Variants in ATP11A observed in about 807,000 individuals in gnomAD.
The protein encoded by ATP11A is ATPase phospholipid transporting 11A, also known as phospholipid-transporting ATPase IH.
Under a neutral mutation model 154.4 loss-of-function variants are expected in ATP11A, and 81 were observed. The ratio of observed to expected loss-of-function variants is 0.52; its 90% confidence interval spans 0.44 to 0.63. ATP11A has a LOEUF of 0.63. Ranked by LOEUF, ATP11A falls within the 30% of genes least tolerant of loss-of-function variation. ATP11A has a pLI of 0.00. For missense variants in ATP11A, 1,316 were observed against 1,474.3 expected (o/e 0.89, Z 1.76); for synonymous variants, 623 against 585.9 (o/e 1.06, Z -0.91).
intron 17 of ATP11A, among the ~76,000 whole-genome samples, chr13:112,844,794 G>GCTAGTGGTCCTAACCAGTCCAGT (rs1566562492): frequency 1.5e-5 from 1 of 65,140 alleles, no homozygotes; most frequent in African/African-American, 1.1e-4. Flanking sequence ...CAGTTGCCGG[G>GCTAGTGGTCCTAACCAGTCCAGT]TGTTAGTGGT....
intron 1 of ATP11A, among the ~76,000 whole-genome samples, chr13:112,701,140 C>T (rs1043275474): frequency 1.3e-5 from 2 of 152,160 alleles, no homozygotes; most frequent in African/African-American, 2.4e-5. Flanking sequence ...AATTCGAGTC[C>T]GCCTGTGGCC....
In ATP11A at chr13:112,806,216, A is replaced by T; in HGVS notation, c.256A>T (p.Ile86Phe). ...YFLIIFLVQLIIDTPTSPVTS... is the reference protein window; with the variant it reads ...YFLIIFLVQLFIDTPTSPVTS... ...TTACAATTCTCTCTTTCTGCAGTTG[A>T]TTATTGATACACCCACAAGTCCAGT... is the stretch of plus-strand genomic sequence containing the variant. The change falls in exon 4 of 30, where the codon ATT becomes TTT. Residue 86 changes from isoleucine to phenylalanine, a missense_variant. By Grantham distance (21) the Ile-to-Phe change is conservative. Around this residue, in one of 5 missense-constraint regions of ATP11A, gnomAD observed 123 missense variants for 113.7 expected, o/e 1.08. Transcript: ENST00000375645. 6.2e-7 allele frequency: 1 copy of T among 1,611,572 alleles called. No homozygotes were observed. Among genetic ancestry groups the T allele is most frequent in the Non-Finnish European group, 8.5e-7 (1 of 1,178,572 alleles).
rs889441119 is a variant in ATP11A, at chr13:112,875,154, A to G, written c.3162-622A>G. 2.6e-5 allele frequency among the ~76,000 whole-genome samples: 4 copies of G among 152,136 alleles called. No individual in the cohort carries two copies. Among genetic ancestry groups the G allele is most frequent in the African/African-American group, 9.7e-5 (4 of 41,424 alleles). On this transcript the variant is annotated intron_variant, in intron 27 of 29. Coordinates refer to ENST00000375645, the MANE Select transcript of ATP11A (RefSeq NM_015205.3). The surrounding 1 kb of genome is among the most constrained non-coding windows in gnomAD (Gnocchi z 4.1). ...CTTCCGTTTCCCTCCTGTTGTCCAC[A>G]CACCAGTTTCACTGTGCTTCCTGGA...
At chr13:112,749,369 T>C (rs944614618) in intron 1 of ATP11A, among the ~76,000 whole-genome samples, 1 of 152,250 alleles carries the variant, frequency 6.6e-6, no homozygotes, top group East Asian at 1.9e-4. Flanking sequence ...CTAACTTTTA[T>C]TTTAAAAGTC....
At position 112,708,817 on chromosome 13, in the gene ATP11A, C is replaced by A. The variant is rs77429770; in HGVS notation, c.39+18362C>A. ...GTCTTCCAACGAGTGGCTCTCCCGC[C>A]TGTGTTTTGAACTCATGGAGGGGGA... is the stretch of plus-strand genomic sequence containing the variant. On this transcript the variant is annotated intron_variant, in intron 1 of 29. Transcript: ENST00000375645. Among the ~76,000 whole-genome samples, 492 of 152,324 alleles carry A rather than the reference C, an allele frequency of 3.2e-3. 5 individuals are homozygous for A. Among genetic ancestry groups the A allele is most frequent in the East Asian group, 0.031 (161 of 5,176 alleles).
At chr13:112,725,268 C>T (rs1889710224) in intron 1 of ATP11A, among the ~76,000 whole-genome samples, 1 of 152,276 alleles carries the variant, frequency 6.6e-6, no homozygotes, top group East Asian at 1.9e-4. Context: ...CTCCCATGGC[C>T]AAGGTGAATC....
chr13:112,721,033 A>G (rs1237866989), intron 1 of ATP11A, among the ~76,000 whole-genome samples: 1 of 152,168 alleles, frequency 6.6e-6, no homozygotes, highest in Non-Finnish European at 1.5e-5. Flanking sequence ...CACAGGCCAC[A>G]GTCCGCAGCC....
chr13:112,852,721 C>T (rs963969954), intron 18 of ATP11A, among the ~76,000 whole-genome samples: 2 of 136,166 alleles, frequency 1.5e-5, no homozygotes, highest in Admixed American at 8.1e-5. Context: ...GCCCCTGGGG[C>T]GGGGGGCAGG....
intron 16 of ATP11A, among the ~76,000 whole-genome samples, chr13:112,836,812 G>A (rs2079247832): frequency 6.6e-6 from 1 of 152,238 alleles, no homozygotes; most frequent in Non-Finnish European, 1.5e-5. Flanking sequence ...TGGCCGCCAT[G>A]ATGTTTTGGT....
rs146244414 is a variant in ATP11A, at chr13:112,726,938, T to G, written c.39+36483T>G. 5.9e-4 allele frequency among the ~76,000 whole-genome samples: 90 copies of G among 152,300 alleles called. No homozygotes were observed. The East Asian group carries it at 0.017, about 29-fold the overall frequency. On this transcript the variant is annotated intron_variant, in intron 1 of 29. Coordinates refer to ENST00000375645, the MANE Select transcript of ATP11A (RefSeq NM_015205.3). ...AAAATCTCACAGAAAACTGGGGACA[T>G]TGCAAATTTTTTTTCTCATATACAG... is the stretch of plus-strand genomic sequence containing the variant.
At chr13:112,851,507 G>A in intron 18 of ATP11A, 1 of 271,834 alleles carries the variant, frequency 3.7e-6, no homozygotes. Flanking sequence ...AAGATAGAAG[G>A]GCTCTTACAA....
At chr13:112,775,012 G>A (rs9324327) in intron 1 of ATP11A, among the ~76,000 whole-genome samples, 19,296 of 152,326 alleles carry the variant, frequency 0.13, 1,460 homozygotes, top group South Asian at 0.23. Flanking sequence ...CGGGGTAGGC[G>A]GCAAGGCCAG....
Position 112,697,132 on chromosome 13 carries a change from C to T in ATP11A, c.39+6677C>T, listed in dbSNP as rs1218625525. 1.3e-5 allele frequency among the ~76,000 whole-genome samples: 2 copies of T among 152,162 alleles called. No individual in the cohort carries two copies. The highest frequency in any genetic ancestry group is 2.9e-5 in the Non-Finnish European group (2 of 68,010). On this transcript the variant is annotated intron_variant, in intron 1 of 29. Transcript: ENST00000375645. This position sits in a 1 kb window ranked among gnomAD's most constrained non-coding sequence, Gnocchi z 4.0. The stretch of plus-strand genomic sequence containing the variant: ...GGCCCACGCAGCAGCCTCTGGGAGC[C>T]CTGGGGCCTTCCGTGGGCTGCTTCC...
At chr13:112,878,929 T>G (rs1183710730) in intron 29 of ATP11A, among the ~76,000 whole-genome samples, 1 of 152,270 alleles carries the variant, frequency 6.6e-6, no homozygotes, top group Non-Finnish European at 1.5e-5. Flanking sequence ...GTTTTTTAAA[T>G]GAAAACCTCA....
chr13:112,774,555 C>T (rs933041569), intron 1 of ATP11A, among the ~76,000 whole-genome samples: 5 of 152,200 alleles, frequency 3.3e-5, no homozygotes, highest in Non-Finnish European at 5.9e-5. Flanking sequence ...GCTGCACCCA[C>T]TCACAAAAGA....
At chr13:112,808,032 G>A (rs1183429435) in intron 4 of ATP11A, among the ~76,000 whole-genome samples, 1 of 152,154 alleles carries the variant, frequency 6.6e-6, no homozygotes, top group Non-Finnish European at 1.5e-5. Context: ...GAGGAGAGGA[G>A]AGGAGAGCGT....
intron 1 of ATP11A, among the ~76,000 whole-genome samples, chr13:112,750,442 A>G (rs1179948763): frequency 1.4e-5 from 1 of 72,368 alleles, no homozygotes; most frequent in African/African-American, 9.7e-5. Flanking sequence ...CGCCTGCTGA[A>G]GGACGCGGGG....
chr13:112,698,292 G>A (rs1235356913), intron 1 of ATP11A, among the ~76,000 whole-genome samples: 4 of 152,156 alleles, frequency 2.6e-5, no homozygotes, highest in African/African-American at 7.2e-5. Context: ...TCACTGCTGC[G>A]TCGAAGCCTG....
chr13:112,856,075 A>G lies in ATP11A; in HGVS notation c.2408A>G (p.Gln803Arg). The change falls in exon 20 of 30, where the codon CAG becomes CGG. Residue 803 changes from glutamine (Q) to arginine (R), a missense_variant. Gln to Arg is a conservative substitution (Grantham distance 43, BLOSUM62 1). Around this residue, in one of 5 missense-constraint regions of ATP11A, gnomAD observed 876 missense variants for 1,006.8 expected, o/e 0.87. Coordinates refer to ENST00000375645, the MANE Select transcript of ATP11A (RefSeq NM_015205.3). The stretch of plus-strand genomic sequence containing the variant: ...CTCTGCTGCCGCATGGCGCCCTTGC[A>G]GAAGGCTCAGGTGCTGCCCGCCCGT... The part of the protein sequence containing the change: ...AVLCCRMAPL[Q>R]KAQIVKLIKF... 1 of 1,612,726 alleles carries G rather than the reference A, an allele frequency of 6.2e-7. No homozygotes were observed. Among genetic ancestry groups the G allele is most frequent in the Non-Finnish European group, 8.5e-7 (1 of 1,179,608 alleles).
Sources: gnomAD v4.1 joint callset for allele counts (sites outside exome capture counted in the v4.1 genomes callset) on GRCh38, gnomAD v4.1.1 for gene constraint, gnomAD v4.1.1 regional missense constraint, Gnocchi (gnomAD v3.1) non-coding constraint, MANE v1.5 for transcripts, NCBI Gene and HGNC (gene_info 2026-07-23, HGNC 2026-07-21) for gene names.